MARCHF10: variants seen among roughly 807,000 people sequenced by gnomAD.
MARCHF10 encodes probable E3 ubiquitin-protein ligase MARCHF10.
In MARCHF10, 64 loss-of-function variants were observed where a neutral mutation model predicts 76.2. The ratio of observed to expected loss-of-function variants is 0.84; its 90% CI spans 0.69 to 1.03. The LOEUF is 1.03. MARCHF10 is among the 50% of genes least tolerant of loss of function. The probability of loss-of-function intolerance (pLI) is 0.00; values close to 1 mark genes in which losing one functional copy is unlikely to be tolerated. For missense variants in MARCHF10, 875 were observed against 958.0 expected (o/e 0.91, Z 1.14); for synonymous variants, 340 against 357.5 (o/e 0.95, Z 0.55).
intron 3 of MARCHF10, among the ~76,000 whole-genome samples, chr17:62,782,266 C>T (rs1458897062): frequency 6.6e-6 from 1 of 151,922 alleles, no homozygotes; most frequent in Non-Finnish European, 1.5e-5. Context: ...AGTTGTGGAC[C>T]CTGTGGGAAG....
intron 3 of MARCHF10, among the ~76,000 whole-genome samples, chr17:62,783,281 G>C (rs2092694474): frequency 7.0e-6 from 1 of 143,066 alleles, no homozygotes; most frequent in African/African-American, 2.6e-5. Flanking sequence ...TGACTACTGG[G>C]TAAATAACAA....
intron 4 of MARCHF10, among the ~76,000 whole-genome samples, chr17:62,753,963 G>A (rs1265280079): frequency 1.3e-5 from 2 of 152,238 alleles, no homozygotes; most frequent in South Asian, 4.1e-4. Context: ...ACCCTGGGAC[G>A]TGGGGGACAG....
chr17:62,701,829 A>G (rs1158006428), intron 10 of MARCHF10, 71 bp from the exon 11 acceptor site: 4 of 1,593,576 alleles, frequency 2.5e-6, no homozygotes, highest in Non-Finnish European at 3.4e-6. Context: ...GGGGCACGGC[A>G]CTGCTGCTTC....
At chr17:62,795,048 T>A in intron 2 of MARCHF10, 6 of 985,294 alleles carry the variant, frequency 6.1e-6, no homozygotes, top group Non-Finnish European at 7.2e-6. Flanking sequence ...GGAGAATCCC[T>A]CACCTCCGTC....
intron 10 of MARCHF10, among the ~76,000 whole-genome samples, chr17:62,704,024 GT>G (rs2089414914): frequency 6.6e-6 from 1 of 152,018 alleles, no homozygotes; most frequent in African/African-American, 2.4e-5. Context: ...AAAGCGAGGC[GT>G]CTCCGGGGCG....
chr17:62,705,982 C>T (rs1164052708), intron 9 of MARCHF10, among the ~76,000 whole-genome samples: 1 of 152,208 alleles, frequency 6.6e-6, no homozygotes, highest in Non-Finnish European at 1.5e-5. Context: ...ATTCTCTGCG[C>T]GGCAGGAAGC....
rs1568115565 is a variant in MARCHF10, at chr17:62,725,077, CTCCTCCTCGGAG to C, written c.1953_1964del (p.Asp651_Glu654del). On this transcript the variant is annotated inframe_deletion, in exon 7 of 11. Coordinates refer to ENST00000311269, the MANE Select transcript of MARCHF10 (RefSeq NM_152598.4). ...TCTGACAGATGCGACACAAGTCTCCCTCCTCCTCGGAGTCCTCCTCCAGGAGACTAAATGTGA... is the reference window on the plus strand; with the variant it reads ...TCTGACAGATGCGACACAAGTCTCCCTCCTCCTCCAGGAGACTAAATGTGA... 1.9e-6 allele frequency: 3 copies of C among 1,602,018 alleles called. No homozygotes were observed. The highest frequency in any genetic ancestry group is 1.7e-4 in the Middle Eastern group (1 of 6,008).
At position 62,701,575 on chromosome 17, in the gene MARCHF10, T is replaced by C; in HGVS notation, c.*128A>G. On this transcript the variant is annotated 3_prime_UTR_variant, in exon 11 of 11. Transcript: ENST00000311269. ...GACCCCAAAAGAGAGTGGCACGAGGTGAAAATCTAACTGTGAACGCTTTGG... is the reference window on the plus strand; with the variant it reads ...GACCCCAAAAGAGAGTGGCACGAGGCGAAAATCTAACTGTGAACGCTTTGG... 6.3e-7 allele frequency: 1 copy of C among 1,578,936 alleles called. No individual in the cohort carries two copies. The highest frequency in any genetic ancestry group is 8.6e-7 in the Non-Finnish European group (1 of 1,165,596).
intron 6 of MARCHF10, among the ~76,000 whole-genome samples, chr17:62,729,218 T>C (rs1039186789): frequency 2.0e-5 from 3 of 151,860 alleles, no homozygotes; most frequent in Non-Finnish European, 2.9e-5. Context: ...GCTGGGATTA[T>C]AGGTGTGAGC....
intron 10 of MARCHF10, among the ~76,000 whole-genome samples, chr17:62,704,133 G>C (rs1449546170): frequency 6.6e-6 from 1 of 151,504 alleles, no homozygotes; most frequent in Non-Finnish European, 1.5e-5. Flanking sequence ...CAACCAGGCC[G>C]GGCTCCCCGT....
In MARCHF10 at chr17:62,778,135, GA is replaced by G. The variant is rs1301413492; in HGVS notation, c.210+10344del. Among the ~76,000 whole-genome samples the G allele has an allele frequency of 2.6e-5, 4 of 152,310 alleles. No homozygotes were observed. In the East Asian group the frequency reaches 7.7e-4, roughly 29 times the overall value. On this transcript the variant is annotated intron_variant, in intron 3 of 10. Coordinates refer to ENST00000311269, the MANE Select transcript of MARCHF10 (RefSeq NM_152598.4). Reference sequence around the variant, plus strand: ...GGCATGAGCCCAGAGGGTGTTCTAAGAATACAAAGACAGGACGAGCAAAACC... The same window carrying G: ...GGCATGAGCCCAGAGGGTGTTCTAAGATACAAAGACAGGACGAGCAAAACC...
rs1283180232 is a variant in MARCHF10, at chr17:62,788,575, T to C, written c.115A>G (p.Arg39Gly). The change falls in exon 3 of 11, where the codon AGA becomes GGA. Residue 39 changes from arginine to glycine, a missense_variant. Arg to Gly is a moderately radical substitution (Grantham distance 125). Transcript: ENST00000311269. ...YQACLRRQEY[R>G]RDPNEKKRDQ... ...CGTTTCTTCTCATTTGGGTCTCTTC[T>C]ATATTCCTGTCGTCTCAGACAAGCC... is the stretch of plus-strand genomic sequence containing the variant. 6.2e-7 allele frequency: 1 copy of C among 1,614,178 alleles called. No individual in the cohort carries two copies. Among genetic ancestry groups the C allele is most frequent in the South Asian group, 1.1e-5 (1 of 91,086 alleles).
At chr17:62,714,160 G>C (rs886757596) in intron 8 of MARCHF10, among the ~76,000 whole-genome samples, 4 of 152,260 alleles carry the variant, frequency 2.6e-5, no homozygotes, top group African/African-American at 9.6e-5. Context: ...GAGGCCCACT[G>C]AGACTCTCCT....
intron 8 of MARCHF10, among the ~76,000 whole-genome samples, chr17:62,716,005 C>T (rs79808321): frequency 0.029 from 4,449 of 152,260 alleles, 117 homozygotes; most frequent in Non-Finnish European, 0.041. Flanking sequence ...GGCGTCCGTC[C>T]CAGATGTCAC....
chr17:62,716,755 T>G (rs1443278276), intron 8 of MARCHF10, among the ~76,000 whole-genome samples: 1 of 152,172 alleles, frequency 6.6e-6, no homozygotes, highest in African/African-American at 2.4e-5. Flanking sequence ...TCAGTTAGTT[T>G]GAGGTTAAGT....
intron 3 of MARCHF10, among the ~76,000 whole-genome samples, chr17:62,766,119 C>T (rs1301735625): frequency 6.6e-6 from 1 of 152,018 alleles, no homozygotes; most frequent in Admixed American, 6.6e-5. Flanking sequence ...TTGCCCACGC[C>T]TAGGAGGTTG....
chr17:62,782,345 C>CTTTTTTTTT (rs10676023), intron 3 of MARCHF10, among the ~76,000 whole-genome samples: 1 of 107,024 alleles, frequency 9.3e-6, no homozygotes, highest in African/African-American at 3.8e-5. Flanking sequence ...AACAACTGTT[C>CTTTTTTTTT]TTTTTTTTTT....
intron 3 of MARCHF10, among the ~76,000 whole-genome samples, chr17:62,767,015 G>C (rs959860654): frequency 6.6e-6 from 1 of 152,146 alleles, no homozygotes; most frequent in Admixed American, 6.5e-5. Context: ...TGGCTAGGCT[G>C]GAGGTAGCAC....
At chr17:62,717,058 G>A (rs896029289) in intron 8 of MARCHF10, among the ~76,000 whole-genome samples, 4 of 152,250 alleles carry the variant, frequency 2.6e-5, no homozygotes, top group African/African-American at 7.2e-5. Context: ...CCTCGGGGAC[G>A]AGCTGAGTTT....
Sources: gnomAD v4.1 joint callset for allele counts (sites outside exome capture counted in the v4.1 genomes callset) on GRCh38, gnomAD v4.1.1 for gene constraint, MANE v1.5 for transcripts, NCBI Gene and HGNC (gene_info 2026-07-23, HGNC 2026-07-21) for gene names.